TENM2: variants seen among roughly 807,000 people sequenced by gnomAD.
TENM2 encodes teneurin transmembrane protein 2.
Under a neutral mutation model 245.2 loss-of-function variants are expected in TENM2, and 52 were observed. That is an observed-to-expected ratio of 0.21 (90% confidence interval 0.17 to 0.27). TENM2 has a LOEUF of 0.27. Ranked by LOEUF, TENM2 falls within the 10% of genes least tolerant of loss-of-function variation. The probability of loss-of-function intolerance (pLI) is 1.00; values close to 1 mark genes in which losing one functional copy is unlikely to be tolerated. For synonymous variants in TENM2, 1,363 were observed against 1,438.9 expected (o/e 0.95, Z 1.19); for missense variants, 3,046 against 3,666.8 (o/e 0.83, Z 4.37).
the TENM2 span, among the ~76,000 whole-genome samples, chr5:167,274,807 G>A: frequency 6.6e-6 from 1 of 151,820 alleles, no homozygotes; most frequent in Non-Finnish European, 1.5e-5. Flanking sequence ...CCTATTCAGT[G>A]AAATATGACT....
chr5:168,120,803 T>G (rs1795416614), intron 10 of TENM2, among the ~76,000 whole-genome samples: 1 of 152,246 alleles, frequency 6.6e-6, no homozygotes. Flanking sequence ...GTCATAGTCA[T>G]AACGTTCAAA....
At chr5:167,090,298 T>A in the TENM2 span, among the ~76,000 whole-genome samples, 89 of 151,798 alleles carry the variant, frequency 5.9e-4, no homozygotes, top group African/African-American at 1.3e-3. Context: ...TTTTTTTTTT[T>A]AAATTCAGTC....
At chr5:167,969,450 C>T (rs1169494586) in intron 4 of TENM2, among the ~76,000 whole-genome samples, 2 of 152,174 alleles carry the variant, frequency 1.3e-5, no homozygotes, top group Non-Finnish European at 2.9e-5. Flanking sequence ...GTCCATTAAA[C>T]CTCTTTCTCT....
intron 8 of TENM2, among the ~76,000 whole-genome samples, chr5:168,097,470 G>C (rs750549379): frequency 3.3e-5 from 5 of 152,134 alleles, no homozygotes; most frequent in Non-Finnish European, 5.9e-5. Context: ...TGTCACCCAG[G>C]CTGGAGTGCA....
intron 2 of TENM2, among the ~76,000 whole-genome samples, chr5:167,592,197 C>A (rs920231554): frequency 6.6e-6 from 1 of 152,198 alleles, no homozygotes; most frequent in Non-Finnish European, 1.5e-5. Context: ...AGTTCGGCTT[C>A]TTCTCTGGTA....
chr5:167,832,567 A>T (rs4869077), intron 2 of TENM2, among the ~76,000 whole-genome samples: 1 of 152,134 alleles, frequency 6.6e-6, no homozygotes, highest in Non-Finnish European at 1.5e-5. Context: ...GCATGTTAGC[A>T]TATATGTGCA....
intron 1 of TENM2, among the ~76,000 whole-genome samples, chr5:167,360,561 AATGAC>A (rs1326476332): frequency 2.6e-5 from 4 of 152,164 alleles, no homozygotes; most frequent in Admixed American, 6.5e-5. Context: ...GGTGTGAGAT[AATGAC>A]ATAACAATGT....
At chr5:168,042,912 T>C (rs1258771687) in intron 5 of TENM2, among the ~76,000 whole-genome samples, 2 of 152,200 alleles carry the variant, frequency 1.3e-5, no homozygotes, top group Admixed American at 6.5e-5. Flanking sequence ...GAGTTTCCGC[T>C]CAGAGCCCTT....
chr5:167,921,365 C>T (rs754842830), intron 3 of TENM2, among the ~76,000 whole-genome samples: 1 of 152,182 alleles, frequency 6.6e-6, no homozygotes, highest in African/African-American at 2.4e-5. Context: ...GCTGATCTTC[C>T]GTTGGCCTCA....
At chr5:168,150,450 C>T (rs1006019949) in intron 12 of TENM2, among the ~76,000 whole-genome samples, 9 of 152,184 alleles carry the variant, frequency 5.9e-5, no homozygotes, top group Admixed American at 2.0e-4. Flanking sequence ...TCAGGCAGGA[C>T]GCCATGCGGG....
At chr5:166,994,477 C>T in the TENM2 span, among the ~76,000 whole-genome samples, 1 of 152,160 alleles carries the variant, frequency 6.6e-6, no homozygotes, top group Non-Finnish European at 1.5e-5. Context: ...CTCTGTAGGT[C>T]TCCAAAACTG....
chr5:167,662,546 T>G lies in TENM2; in HGVS notation c.503-213440T>G, dbSNP rs879445598. On this transcript the variant is annotated intron_variant, in intron 2 of 28. Coordinates refer to ENST00000518659, the Ensembl canonical transcript of TENM2. Reference sequence around the variant, plus strand: ...TCCACTTCCATAAATCAGACTTCTGTGTTTCATCTGAATAATATGAAACCT... The same window carrying G: ...TCCACTTCCATAAATCAGACTTCTGGGTTTCATCTGAATAATATGAAACCT... Among the ~76,000 whole-genome samples, 47 of 152,334 alleles carry G rather than the reference T, an allele frequency of 3.1e-4. 1 individual carries two copies. Among genetic ancestry groups the G allele is most frequent in the Admixed American group, 2.8e-3 (43 of 15,302 alleles).
chr5:168,263,116 A>G (rs577688295), downstream of TENM2: 4 of 301,976 alleles, frequency 1.3e-5, no homozygotes, highest in Non-Finnish European at 2.5e-5. Flanking sequence ...GTCTACGCAG[A>G]AAAGAGACGC....
chr5:168,236,853 C>T (rs1230763260), intron 25 of TENM2, among the ~76,000 whole-genome samples: 1 of 144,638 alleles, frequency 6.9e-6, no homozygotes, highest in Admixed American at 6.9e-5. Flanking sequence ...CCTATGAATT[C>T]CAGGTCCCAG....
intron 2 of TENM2, among the ~76,000 whole-genome samples, chr5:167,542,591 C>T (rs979462870): frequency 6.6e-6 from 1 of 152,070 alleles, no homozygotes. Context: ...GGGTCATTGC[C>T]AAATATGAAA....
the TENM2 span, among the ~76,000 whole-genome samples, chr5:167,195,731 T>C: frequency 6.6e-6 from 1 of 151,874 alleles, no homozygotes; most frequent in African/African-American, 2.4e-5. Context: ...CATATTTGAA[T>C]GCCAAAAAAA....
chr5:167,508,094 A>G (rs1166869688), intron 2 of TENM2, among the ~76,000 whole-genome samples: 2 of 152,208 alleles, frequency 1.3e-5, no homozygotes, highest in Admixed American at 6.5e-5. Context: ...AATGCTATCT[A>G]TTGAAGCACC....
intron 9 of TENM2, among the ~76,000 whole-genome samples, chr5:168,112,293 G>A (rs1214600958): frequency 6.6e-6 from 1 of 151,942 alleles, no homozygotes; most frequent in Non-Finnish European, 1.5e-5. Context: ...GTGTCATGGG[G>A]GGTTGTTGTA....
chr5:167,401,171 G>T (rs1256958180), intron 2 of TENM2, among the ~76,000 whole-genome samples: 3 of 152,110 alleles, frequency 2.0e-5, no homozygotes, highest in Non-Finnish European at 4.4e-5. Flanking sequence ...ACTACGTCCT[G>T]TACATATGTA....
Sources: allele counts gnomAD v4.1 joint callset (sites outside exome capture counted in the v4.1 genomes callset), GRCh38; gene constraint gnomAD v4.1.1; transcripts MANE v1.5; gene names NCBI Gene and HGNC (gene_info 2026-07-23, HGNC 2026-07-21).